DAB1: variants seen among roughly 807,000 people sequenced by gnomAD.
The protein encoded by DAB1 is DAB adaptor protein 1.
Under a neutral mutation model 64.6 loss-of-function variants are expected in DAB1, and 15 were observed. That is an observed-to-expected ratio of 0.23 (90% confidence interval 0.16 to 0.36). The LOEUF (loss-of-function observed/expected upper bound fraction) is 0.36. DAB1 is among the 10% of genes least tolerant of loss of function. The probability of loss-of-function intolerance (pLI) is 1.00; values close to 1 mark genes in which losing one functional copy is unlikely to be tolerated. For synonymous variants in DAB1, 235 were observed against 251.9 expected (o/e 0.93, Z 0.64); for missense variants, 596 against 706.7 (o/e 0.84, Z 1.78).
chr1:57,066,742 T>C (rs1650950747), intron 8 of DAB1, among the ~76,000 whole-genome samples: 1 of 152,196 alleles, frequency 6.6e-6, no homozygotes, highest in Non-Finnish European at 1.5e-5. Context: ...GAACCTACTA[T>C]GAACCAACTG....
intron 3 of DAB1, among the ~76,000 whole-genome samples, chr1:58,456,518 A>G (rs907334665): frequency 2.0e-5 from 3 of 152,184 alleles, no homozygotes; most frequent in African/African-American, 7.2e-5. Context: ...GGATGTGGCA[A>G]TGGAGGAGTG....
chr1:57,143,027 G>A (rs1658764100), intron 3 of DAB1, among the ~76,000 whole-genome samples: 1 of 152,194 alleles, frequency 6.6e-6, no homozygotes, highest in South Asian at 2.1e-4. Context: ...CGCTTGGGAT[G>A]GAAGGTATGG....
intron 4 of DAB1, among the ~76,000 whole-genome samples, chr1:58,300,661 G>A (rs867250463): frequency 1.5e-4 from 17 of 113,636 alleles, no homozygotes; most frequent in Admixed American, 4.4e-4. Flanking sequence ...AGGAAGGAAG[G>A]AAGGAAGGAA....
chr1:57,135,300 T>C, intron 4 of DAB1, among the ~76,000 whole-genome samples: 1 of 152,216 alleles, frequency 6.6e-6, no homozygotes, highest in South Asian at 2.1e-4. Context: ...CATTCTACTT[T>C]CTGTCTTTAT....
chr1:57,055,971 A>G (rs962894891), intron 9 of DAB1, among the ~76,000 whole-genome samples: 33 of 152,194 alleles, frequency 2.2e-4, no homozygotes, highest in Admixed American at 2.0e-3. Flanking sequence ...GCTCATTCAC[A>G]TACTTTAGCT....
intron 9 of DAB1, among the ~76,000 whole-genome samples, chr1:57,043,565 G>A (rs1648067692): frequency 6.6e-6 from 1 of 152,222 alleles, no homozygotes; most frequent in Non-Finnish European, 1.5e-5. Context: ...TATCAGATGA[G>A]GCCGGGCGCG....
chr1:57,452,984 AAGG>A (rs1686447974), intron 7 of DAB1, among the ~76,000 whole-genome samples: 1 of 151,930 alleles, frequency 6.6e-6, no homozygotes, highest in Non-Finnish European at 1.5e-5. Flanking sequence ...GCAGAGTGAA[AAGG>A]AAGAAAGAAA....
chr1:57,617,073 A>G (rs1645798419), intron 7 of DAB1, among the ~76,000 whole-genome samples: 2 of 151,852 alleles, frequency 1.3e-5, no homozygotes, highest in Admixed American at 1.3e-4. Flanking sequence ...TCATTCTGTC[A>G]CTCTGTGTCA....
chr1:57,395,270 C>T (rs1682714261), intron 1 of DAB1, among the ~76,000 whole-genome samples: 1 of 152,190 alleles, frequency 6.6e-6, no homozygotes, highest in African/African-American at 2.4e-5. Flanking sequence ...AAGTGATCCG[C>T]CTGCCTCAGC....
intron 2 of DAB1, among the ~76,000 whole-genome samples, chr1:57,193,379 ATGT>A (rs1368757450): frequency 0.028 from 1,975 of 71,422 alleles, 71 homozygotes; most frequent in African/African-American, 0.1. Flanking sequence ...TCCGTAGCAT[ATGT>A]TTTTTTTTTT....
intron 4 of DAB1, among the ~76,000 whole-genome samples, chr1:58,289,124 T>C (rs1325771947): frequency 6.6e-6 from 1 of 152,230 alleles, no homozygotes; most frequent in African/African-American, 2.4e-5. Flanking sequence ...AACATTTCTG[T>C]AGCTTTTGCC....
At chr1:57,728,728 A>T (rs1453071851) in intron 6 of DAB1, among the ~76,000 whole-genome samples, 2 of 152,210 alleles carry the variant, frequency 1.3e-5, no homozygotes, top group Non-Finnish European at 2.9e-5. Flanking sequence ...CTGTTGTGGG[A>T]AAACTATTTT....
intron 3 of DAB1, among the ~76,000 whole-genome samples, chr1:58,388,207 C>A (rs1644449040): frequency 2.0e-5 from 3 of 152,118 alleles, no homozygotes; most frequent in Admixed American, 2.0e-4. Context: ...TTTGGGGTAT[C>A]ATTTTCTGAG....
intron 5 of DAB1, among the ~76,000 whole-genome samples, chr1:58,040,774 A>C (rs971914307): frequency 1.2e-4 from 18 of 152,230 alleles, no homozygotes; most frequent in Admixed American, 3.3e-4. Context: ...TGATGTATTC[A>C]TATTTTTTCT....
chr1:57,374,206 T>C (rs1427015316), intron 1 of DAB1, among the ~76,000 whole-genome samples: 1 of 152,180 alleles, frequency 6.6e-6, no homozygotes. Flanking sequence ...TTACCAGTGA[T>C]GAGGCTAAAT....
intron 5 of DAB1, among the ~76,000 whole-genome samples, chr1:58,122,169 T>C (rs1195825274): frequency 2.0e-5 from 3 of 152,188 alleles, no homozygotes; most frequent in Admixed American, 1.3e-4. Context: ...TCTGGCAACA[T>C]CTGGAACCAA....
rs182192422 is a variant in DAB1, at chr1:57,236,180, A to G, written c.67+54784T>C. On this transcript the variant is annotated intron_variant, in intron 2 of 14. Coordinates refer to ENST00000371236, the MANE Select transcript of DAB1 (RefSeq NM_001365792.1). ...TTTGGCCTAGGGAGATAGTTTGTTC[A>G]TCATTCATTCACTACCTGCATACCA... Among the ~76,000 whole-genome samples the G allele has an allele frequency of 1.5e-3, 221 of 152,338 alleles. 3 individuals are homozygous for G. Among genetic ancestry groups the G allele is most frequent in the Non-Finnish European group, 2.9e-3 (197 of 68,038 alleles).
At chr1:58,089,692 C>A (rs1287109581) in intron 5 of DAB1, among the ~76,000 whole-genome samples, 2 of 152,160 alleles carry the variant, frequency 1.3e-5, no homozygotes, top group African/African-American at 4.8e-5. Flanking sequence ...TGGATAGCTC[C>A]GGTGCCCAGC....
chr1:57,080,511 C>T (rs971922396), intron 4 of DAB1, among the ~76,000 whole-genome samples: 1 of 152,190 alleles, frequency 6.6e-6, no homozygotes, highest in Non-Finnish European at 1.5e-5. Context: ...GCTTCTTCTT[C>T]TTAGCAGCTC....
Sources: allele counts gnomAD v4.1 joint callset (sites outside exome capture counted in the v4.1 genomes callset), GRCh38; gene constraint gnomAD v4.1.1; transcripts MANE v1.5; gene names NCBI Gene and HGNC (gene_info 2026-07-23, HGNC 2026-07-21).